Variants in NF1 observed in about 807,000 individuals in gnomAD.
The protein encoded by NF1 is neurofibromin.
NF1 carries 122 observed loss-of-function variants against 325.7 expected under a neutral mutation model. The ratio of observed to expected loss-of-function variants is 0.37; its 90% CI spans 0.32 to 0.44. The LOEUF (loss-of-function observed/expected upper bound fraction) is 0.44. NF1 is among the 20% of genes least tolerant of loss of function. The pLI, the probability that NF1 is intolerant of heterozygous loss-of-function variation, is 1.00. For missense variants in NF1, 2,140 were observed against 3,415.4 expected (o/e 0.63, Z 9.31); for synonymous variants, 1,091 against 1,186.0 (o/e 0.92, Z 1.65).
intron 4 of NF1, among the ~76,000 whole-genome samples, chr17:31,168,619 T>G (rs888238421): frequency 6.6e-6 from 1 of 152,158 alleles, no homozygotes; most frequent in Non-Finnish European, 1.5e-5. Context: ...TTGGGTTTCA[T>G]TGGATTCACG....
intron 36 of NF1, among the ~76,000 whole-genome samples, chr17:31,291,197 A>C (rs760895648): frequency 1.2e-4 from 18 of 152,172 alleles, no homozygotes; most frequent in Admixed American, 1.2e-3. Flanking sequence ...GTATCCCACC[A>C]AAGTCCTCTG....
intron 8 of NF1, among the ~76,000 whole-genome samples, 181 bp from the exon 9 acceptor site, chr17:31,200,241 A>T (rs371387961): frequency 1.4e-5 from 2 of 143,332 alleles, no homozygotes; most frequent in African/African-American, 4.9e-5. Flanking sequence ...GATTTTTTTT[A>T]AATTTGAGAA....
At position 31,338,845 on chromosome 17, in the gene NF1, A is replaced by G. The variant is rs188244160; in HGVS notation, c.6921+40A>G. On this transcript the variant is annotated intron_variant, in intron 46 of 57. Transcript: ENST00000358273. ...GAAAATGAGTGCATTCATTTTGGGT[A>G]TCAGTGTTGAATGTTACTTTCTTTC... 9.2e-4 allele frequency: 1,159 copies of G among 1,263,658 alleles called. 6 individuals are homozygous for G. In the East Asian group the frequency reaches 0.018, roughly 20 times the overall value. The allele number at this position is 1,263,658 out of a possible 1,614,324, so 78.3% of individuals were successfully genotyped here. A position where few individuals can be genotyped will look rare whatever the true frequency, so the allele number is the denominator to read the frequency against.
intron 36 of NF1, among the ~76,000 whole-genome samples, chr17:31,324,910 T>C (rs962731008): frequency 6.6e-6 from 1 of 152,208 alleles, no homozygotes; most frequent in African/African-American, 2.4e-5. Flanking sequence ...TAAAGATTTA[T>C]TTTAACTTAC....
chr17:31,182,641 G>C lies in NF1; in HGVS notation c.864G>C (p.Val288=), dbSNP rs201181517. 2.5e-5 allele frequency: 41 copies of C among 1,613,404 alleles called. No homozygotes were observed. Among genetic ancestry groups the C allele is most frequent in the African/African-American group, 5.3e-5 (4 of 74,872 alleles). The change falls in exon 8 of 58, where the codon GTG becomes GTC. Residue 288 remains valine, a synonymous_variant. Coordinates refer to ENST00000358273, the MANE Select transcript of NF1 (RefSeq NM_001042492.3). ...TAATCCAGGATATATCCAAAGACGT[G>C]GTTGATGAAAACAACATGAATAAGG... is the stretch of plus-strand genomic sequence containing the variant. ...PEIIQDISKD[V]VDENNMNKKL... is the part of the protein sequence containing the mutation.
chr17:31,292,152 G>C (rs890566472), intron 36 of NF1, among the ~76,000 whole-genome samples: 25 of 152,352 alleles, frequency 1.6e-4, no homozygotes, highest in Admixed American at 5.9e-4. Flanking sequence ...CAGCTGAGAA[G>C]TGGCAGAGGC....
intron 30 of NF1, among the ~76,000 whole-genome samples, chr17:31,249,625 A>C (rs2067459846): frequency 6.6e-6 from 1 of 152,204 alleles, no homozygotes; most frequent in African/African-American, 2.4e-5. Context: ...CTTAAAAGAG[A>C]TACTGCATCA....
chr17:31,246,462 A>G (rs1597732302), intron 29 of NF1, among the ~76,000 whole-genome samples: 1 of 152,266 alleles, frequency 6.6e-6, no homozygotes, highest in Non-Finnish European at 1.5e-5. Flanking sequence ...GTTAATTAAT[A>G]TAGAAACAAA....
At chr17:31,373,427 C>G (rs2070682680) in intron 57 of NF1, among the ~76,000 whole-genome samples, 1 of 152,228 alleles carries the variant, frequency 6.6e-6, no homozygotes, top group East Asian at 1.9e-4. Flanking sequence ...TTAGTTCAAG[C>G]CTGCCAGCCT....
chr17:31,237,656 C>CT (rs34107657), intron 29 of NF1, among the ~76,000 whole-genome samples: 6,432 of 126,056 alleles, frequency 0.051, 403 homozygotes, highest in African/African-American at 0.13. Context: ...CTCATGTCTA[C>CT]TTTTTTTTTT....
chr17:31,344,469 A>C (rs2069916153), intron 48 of NF1, among the ~76,000 whole-genome samples: 1 of 152,242 alleles, frequency 6.6e-6, no homozygotes, highest in Non-Finnish European at 1.5e-5. Flanking sequence ...GTGGTCTCAG[A>C]AGTGGATTTG....
intron 1 of NF1, among the ~76,000 whole-genome samples, chr17:31,144,070 G>A (rs1391085316): frequency 1.3e-5 from 2 of 151,944 alleles, no homozygotes; most frequent in African/African-American, 4.8e-5. Flanking sequence ...TGATCCGCCC[G>A]CCTCGGCCTC....
chr17:31,277,772 A>G (rs1025949383), intron 36 of NF1, among the ~76,000 whole-genome samples: 26 of 152,312 alleles, frequency 1.7e-4, no homozygotes, highest in African/African-American at 5.1e-4. Flanking sequence ...CCCTCTCCAC[A>G]CAACCTACTC....
At chr17:31,145,870 T>C (rs2905791) in intron 1 of NF1, among the ~76,000 whole-genome samples, 83,870 of 151,964 alleles carry the variant, frequency 0.55, 26,311 homozygotes, top group Middle Eastern at 0.76. Context: ...GGAAACATGG[T>C]AGGAAGATTA....
intron 1 of NF1, among the ~76,000 whole-genome samples, chr17:31,112,935 G>A (rs922643648): frequency 2.0e-5 from 3 of 152,088 alleles, no homozygotes; most frequent in African/African-American, 7.2e-5. Flanking sequence ...CTATGTGCCT[G>A]TTATGCCAAT....
chr17:31,315,388 A>G lies in NF1; in HGVS notation c.4836-10432A>G, dbSNP rs1567890748. Among the ~76,000 whole-genome samples the G allele has an allele frequency of 5.9e-5, 9 of 152,336 alleles. 1 individual carries two copies. The South Asian group carries it at 1.9e-3, about 32-fold the overall frequency. ...CATTAATACCATAATTATACATTTT[A>G]AAATAACTAAAAGTGTAATTGGATC... On this transcript the variant is annotated intron_variant, in intron 36 of 57. Transcript: ENST00000358273.
At position 31,183,849 on chromosome 17, in the gene NF1, C is replaced by T. The variant is rs186870582; in HGVS notation, c.888+1184C>T. ...TCTCCTGTGTTGGATGCTTCCTGCC[C>T]TCGAACATCAGACTCCAAGTTCTTT... On this transcript the variant is annotated intron_variant, in intron 8 of 57. Transcript: ENST00000358273. Among the ~76,000 whole-genome samples the T allele has an allele frequency of 9.8e-5, 15 of 152,318 alleles. No homozygotes were observed. In the East Asian group the frequency reaches 2.9e-3, roughly 29 times the overall value.
intron 5 of NF1, among the ~76,000 whole-genome samples, chr17:31,176,459 C>T (rs1301091321): frequency 3.9e-5 from 6 of 152,074 alleles, no homozygotes; most frequent in Non-Finnish European, 5.9e-5. Context: ...CTGTAGGTTG[C>T]CTGTTCACTC....
intron 54 of NF1, 114 bp from the exon 55 acceptor site, chr17:31,358,361 ACTCAT>A (rs756563418): frequency 2.4e-5 from 23 of 968,116 alleles, no homozygotes; most frequent in Non-Finnish European, 3.6e-5. Context: ...AGTAAAAAGC[ACTCAT>A]CTCCCTTTAA....
Sources: allele counts gnomAD v4.1 joint callset (sites outside exome capture counted in the v4.1 genomes callset), GRCh38; gene constraint gnomAD v4.1.1; transcripts MANE v1.5; gene names NCBI Gene and HGNC (gene_info 2026-07-23, HGNC 2026-07-21).